The following FIGNL2 variants were observed in gnomAD, a reference collection of about 807,000 sequenced individuals.
FIGNL2 encodes fidgetin-like protein 2.
For missense variants in FIGNL2, 1,060 were observed against 950.2 expected, an observed-to-expected ratio of 1.12 and a Z score of -1.52; for synonymous variants, 565 against 484.0, an observed-to-expected ratio of 1.17 and a Z score of -2.20.
intron 1 of FIGNL2, chr12:51,825,924 TA>T (rs1158581844): frequency 1.3e-5 from 2 of 152,188 alleles, no homozygotes; most frequent in African/African-American, 4.8e-5. Context: ...CCGACACTCT[TA>T]TCTAGACCAC....
chr12:51,840,361 C>T (rs1461623934), intron 1 of FIGNL2, among the ~76,000 whole-genome samples: 2 of 152,236 alleles, frequency 1.3e-5, no homozygotes, highest in Admixed American at 6.5e-5. Flanking sequence ...AGGCCCCTTT[C>T]GCAGTCTGGA....
rs1939144270 is a variant in FIGNL2, at chr12:51,820,377, G to A, written c.*75C>T. 2 of 1,528,916 alleles carry A rather than the reference G, an allele frequency of 1.3e-6. No individual in the cohort carries two copies. Among genetic ancestry groups the A allele is most frequent in the Non-Finnish European group, 1.7e-6 (2 of 1,143,532 alleles). The allele number at this position is 1,528,916 out of a possible 1,614,324, so 94.7% of individuals were successfully genotyped here. ...CTCCAGCCCCTGCCAGCCGGGTTTA[G>A]TCAGTGACATCCCTCCCACGCGGAG... is the stretch of plus-strand genomic sequence containing the variant. On this transcript the variant is annotated 3_prime_UTR_variant, in exon 2 of 2. Coordinates refer to ENST00000618634, the MANE Select transcript of FIGNL2 (RefSeq NM_001384995.1).
chr12:51,842,365 G>T (rs1252820846), intron 1 of FIGNL2, among the ~76,000 whole-genome samples: 1 of 152,200 alleles, frequency 6.6e-6, no homozygotes, highest in African/African-American at 2.4e-5. Flanking sequence ...AAGGAGGAAG[G>T]TGCAGTTTCT....
At position 51,821,589 on chromosome 12, in the gene FIGNL2, C is replaced by G; in HGVS notation, c.825G>C (p.Glu275Asp). The G allele has an allele frequency of 6.6e-7, 1 of 1,511,198 alleles. No individual in the cohort carries two copies. Among genetic ancestry groups the G allele is most frequent in the Non-Finnish European group, 8.8e-7 (1 of 1,136,112 alleles). The allele number at this position is 1,511,198 out of a possible 1,614,324, so 93.6% of individuals were successfully genotyped here. The part of the protein sequence containing the change: ...LKRKAADEGP[E>D]GRYRKYAYEP... ...CGTACGCGTACTTGCGGTAGCGGCC[C>G]TCGGGCCCCTCGTCGGCGGCCTTGC... The change falls in exon 2 of 2, where the codon GAG (glutamate) becomes GAC (aspartate). Residue 275 changes from glutamate (E) to aspartate (D), a missense_variant. By Grantham distance (45) the Glu-to-Asp change is conservative (BLOSUM62 2). Coordinates refer to ENST00000618634, the MANE Select transcript of FIGNL2 (RefSeq NM_001384995.1).
chr12:51,838,884 G>T (rs1196687856), intron 1 of FIGNL2, among the ~76,000 whole-genome samples: 2 of 152,162 alleles, frequency 1.3e-5, no homozygotes, highest in Non-Finnish European at 1.5e-5. Flanking sequence ...GCTCTGCCTT[G>T]CAGGAATGAG....
At chr12:51,847,028 C>A in intron 1 of FIGNL2, 1 of 985,380 alleles carries the variant, frequency 1.0e-6, no homozygotes, top group South Asian at 4.7e-5. Flanking sequence ...CCCGCCCCGC[C>A]CCCTGCCCGC....
chr12:51,823,430 T>G (rs1407370264), intron 1 of FIGNL2: 1 of 152,218 alleles, frequency 6.6e-6, no homozygotes, highest in Non-Finnish European at 1.5e-5. Context: ...TAGAACTTTT[T>G]TTCGTGGTCC....
intron 1 of FIGNL2, among the ~76,000 whole-genome samples, chr12:51,834,693 C>T (rs1020791197): frequency 2.0e-5 from 3 of 152,178 alleles, no homozygotes; most frequent in Non-Finnish European, 2.9e-5. Context: ...CACACGCTGA[C>T]GGGAGGGGAC....
intron 1 of FIGNL2, among the ~76,000 whole-genome samples, chr12:51,836,186 A>G (rs1592193285): frequency 6.6e-6 from 1 of 152,124 alleles, no homozygotes; most frequent in East Asian, 1.9e-4. Context: ...CAGGGGAGGG[A>G]GGATGGGCTA....
intron 1 of FIGNL2, among the ~76,000 whole-genome samples, chr12:51,826,888 A>T (rs1939357047): frequency 6.6e-6 from 1 of 152,132 alleles, no homozygotes; most frequent in Non-Finnish European, 1.5e-5. Context: ...ACACACCAAC[A>T]TGTATGTGCA....
chr12:51,829,104 G>T (rs146357972), intron 1 of FIGNL2, among the ~76,000 whole-genome samples: 2 of 152,244 alleles, frequency 1.3e-5, no homozygotes, highest in Admixed American at 1.3e-4. Flanking sequence ...GCTCCAGGCC[G>T]GTGTGGAGAA....
rs768965788 is a variant in FIGNL2, at chr12:51,822,089, C to G, written c.325G>C (p.Ala109Pro). ...CCTGGGAGGCCTTCGTGGAGTGAGGCCAAGGGGTAGGGTGGCTCCGGCCCT... is the reference window on the plus strand; with the variant it reads ...CCTGGGAGGCCTTCGTGGAGTGAGGGCAAGGGGTAGGGTGGCTCCGGCCCT... ...WPGPEPPYPL[A>P]SLHEGLPGTK... Residue 109 changes from alanine (A) to proline (P), a missense_variant, in exon 2 of 2, where the codon GCC becomes CCC. Transcript: ENST00000618634. 2 of 1,611,314 alleles carry G rather than the reference C, an allele frequency of 1.2e-6. No individual in the cohort carries two copies. Among genetic ancestry groups the G allele is most frequent in the Admixed American group, 3.3e-5 (2 of 59,728 alleles).
chr12:51,822,280 G>C lies in FIGNL2; in HGVS notation c.134C>G (p.Ala45Gly). The change falls in exon 2 of 2, where the codon GCT (alanine) becomes GGT (glycine). Residue 45 changes from alanine (A) to glycine (G), a missense_variant. Ala to Gly is a moderately conservative substitution (Grantham distance 60, BLOSUM62 0). Transcript: ENST00000618634. ...PPGGRQRCHY[A>G]WAHDDISALT... The stretch of plus-strand genomic sequence containing the variant: ...GGCTGAGATGTCGTCGTGTGCCCAA[G>C]CGTAGTGGCAGCGTTGGCGACCCCC... The C allele has an allele frequency of 6.2e-7, 1 of 1,611,952 alleles. No individual in the cohort carries two copies. Among genetic ancestry groups the C allele is most frequent in the Non-Finnish European group, 8.5e-7 (1 of 1,179,078 alleles).
rs111321213 is a variant in FIGNL2 at position 51,822,762 on chromosome 12, A to G, written c.-11-338T>C. Among the ~76,000 whole-genome samples the G allele has an allele frequency of 9.9e-4, 150 of 152,282 alleles. 1 individual carries two copies. Among genetic ancestry groups the G allele is most frequent in the Non-Finnish European group, 1.2e-3 (81 of 68,024 alleles). On this transcript the variant is annotated intron_variant, in intron 1 of 1. Transcript: ENST00000618634. ...GCAGGACACGTGATCCTTACTTTCTATGAAGGATCGGACAATGGGCGGGAC... is the reference window on the plus strand; with the variant it reads ...GCAGGACACGTGATCCTTACTTTCTGTGAAGGATCGGACAATGGGCGGGAC...
In FIGNL2 at chr12:51,829,086, G is replaced by A. The variant is rs898931298; in HGVS notation, c.-11-6662C>T. Among the ~76,000 whole-genome samples, 9 of 152,258 alleles carry A rather than the reference G, an allele frequency of 5.9e-5. No individual in the cohort carries two copies. The South Asian group carries it at 1.7e-3, about 28-fold the overall frequency. ...GCAGGGTAGGCAAGGAGGGGCAGCTGTGAGTCGGCTCCAGGCCGGTGTGGA... is the reference window on the plus strand; with the variant it reads ...GCAGGGTAGGCAAGGAGGGGCAGCTATGAGTCGGCTCCAGGCCGGTGTGGA... On this transcript the variant is annotated intron_variant, in intron 1 of 1. Transcript: ENST00000618634.
At position 51,848,659 on chromosome 12, in the gene FIGNL2, C is replaced by A; in HGVS notation, c.-131G>T. On this transcript the variant is annotated 5_prime_UTR_variant, in exon 1 of 2. Transcript: ENST00000618634. ...GCCTGGGCTGGGGGGCAGTGGCGCT[C>A]ACCATCCTGGAGCCGCTGCTGCTGC... is the stretch of plus-strand genomic sequence containing the variant. 2 of 496,226 alleles carry A rather than the reference C, an allele frequency of 4.0e-6. No homozygotes were observed. Among genetic ancestry groups the A allele is most frequent in the Non-Finnish European group, 5.2e-6 (2 of 383,072 alleles). 30.7% of individuals were successfully genotyped at this position (496,226 alleles called of 1,614,324 possible).
chr12:51,828,817 T>C (rs1330410460), intron 1 of FIGNL2, among the ~76,000 whole-genome samples: 1 of 152,212 alleles, frequency 6.6e-6, no homozygotes, highest in Non-Finnish European at 1.5e-5. Flanking sequence ...CTCCACTTTC[T>C]TCATCTGTCC....
intron 1 of FIGNL2, chr12:51,847,587 G>C (rs577364101): frequency 6.3e-4 from 624 of 985,312 alleles, no homozygotes; most frequent in South Asian, 3.2e-3. Flanking sequence ...CCACCCCTGC[G>C]CTCCGGGCCG....
chr12:51,827,797 T>G (rs919203645), intron 1 of FIGNL2, among the ~76,000 whole-genome samples: 1 of 152,218 alleles, frequency 6.6e-6, no homozygotes, highest in Admixed American at 6.5e-5. Context: ...CCAAGCACTG[T>G]GTACAGAACC....
Sources: allele counts gnomAD v4.1 joint callset (sites outside exome capture counted in the v4.1 genomes callset), GRCh38; gene constraint gnomAD v4.1.1; transcripts MANE v1.5; gene names NCBI Gene and HGNC (gene_info 2026-07-23, HGNC 2026-07-21).